Variants in RNF111 observed in about 807,000 individuals in gnomAD.
The protein encoded by RNF111 is ring finger protein 111.
A neutral mutation model predicts 95.1 loss-of-function variants in RNF111; 17 were observed. The observed-to-expected ratio is 0.18, with a 90% CI of 0.12 to 0.27. The LOEUF is 0.27. RNF111 is among the 10% of genes least tolerant of loss of function. The pLI, the probability that RNF111 is intolerant of heterozygous loss-of-function variation, is 1.00. For synonymous variants in RNF111, 440 were observed against 414.8 expected (o/e 1.06, Z -0.74); for missense variants, 1,189 against 1,210.4 (o/e 0.98, Z 0.26).
At chr15:59,093,494 A>C in intron 13 of RNF111, 1 of 414,498 alleles carries the variant, frequency 2.4e-6, no homozygotes, top group Non-Finnish European at 4.7e-6. Context: ...TACAGGCGTA[A>C]GCCACTGCAC....
intron 6 of RNF111, among the ~76,000 whole-genome samples, chr15:59,073,437 C>T (rs1462800510): frequency 6.6e-6 from 1 of 151,388 alleles, no homozygotes; most frequent in South Asian, 2.1e-4. Flanking sequence ...GCCAAGATTG[C>T]ACTACTGCAC....
rs139999361 is a variant in RNF111 at position 59,003,601 on chromosome 15, C to G, written c.-20+15533C>G. 7.4e-3 allele frequency among the ~76,000 whole-genome samples: 1,132 copies of G among 152,236 alleles called. 12 individuals carry two copies. The highest frequency in any genetic ancestry group is 0.026 in the African/African-American group (1,087 of 41,528). On this transcript the variant is annotated intron_variant, in intron 1 of 13. Coordinates refer to ENST00000348370, the MANE Select transcript of RNF111 (RefSeq NM_017610.8). ...ATTTTTTGTAGAGACAGGGTTTTGC[C>G]GTGTTGCCCAGGCTGGTCTTGAACT... is the stretch of plus-strand genomic sequence containing the variant.
intron 6 of RNF111, among the ~76,000 whole-genome samples, chr15:59,071,873 T>C (rs1271373857): frequency 1.3e-5 from 2 of 152,000 alleles, no homozygotes; most frequent in East Asian, 3.8e-4. Context: ...TACAATAAAG[T>C]GAATATTGCA....
In RNF111 at chr15:59,081,005, C is replaced by T. The variant is rs1415705793; in HGVS notation, c.2018C>T (p.Pro673Leu). The stretch of plus-strand genomic sequence containing the variant: ...CCGCATTCTCATGGAAACCCCCCTC[C>T]TCAGACTCAGCCTCCGCCTCAAGTG... The part of the protein sequence containing the change: ...ACPHSHGNPP[P>L]QTQPPPQVDY... The change falls in exon 8 of 14, where the codon CCT (proline) becomes CTT (leucine). Residue 673 changes from proline (P) to leucine (L), a missense_variant. By Grantham distance (98) the Pro-to-Leu change is moderately conservative. Around this residue, in one of 2 missense-constraint regions of RNF111, gnomAD observed 1,024 missense variants for 925.9 expected, o/e 1.11. Transcript: ENST00000348370. 1 of 1,614,160 alleles carries T rather than the reference C, an allele frequency of 6.2e-7. No homozygotes were observed.
At chr15:59,080,175 C>T (rs1241957675) in intron 7 of RNF111, among the ~76,000 whole-genome samples, 3 of 127,442 alleles carry the variant, frequency 2.4e-5, no homozygotes, top group African/African-American at 3.1e-5. Context: ...GGCTGGGGTG[C>T]AGTGGCATGA....
intron 12 of RNF111, among the ~76,000 whole-genome samples, chr15:59,091,565 A>G (rs757202645): frequency 1.7e-4 from 26 of 152,198 alleles, no homozygotes; most frequent in Non-Finnish European, 2.8e-4. Flanking sequence ...ATCATATGGC[A>G]GTACTGTAAT....
chr15:59,091,349 C>T (rs1050177822), intron 12 of RNF111, among the ~76,000 whole-genome samples, 195 bp downstream of exon 12: 1 of 152,012 alleles, frequency 6.6e-6, no homozygotes. Context: ...TCCTTCTTCC[C>T]AGAAGTGAAA....
At chr15:58,996,338 C>T (rs577972141) in intron 1 of RNF111, among the ~76,000 whole-genome samples, 3 of 151,956 alleles carry the variant, frequency 2.0e-5, no homozygotes, top group African/African-American at 7.2e-5. Context: ...TTCGGGAGGC[C>T]GAGGCATATG....
chr15:58,992,136 C>T (rs1486691067), intron 1 of RNF111, among the ~76,000 whole-genome samples: 2 of 152,118 alleles, frequency 1.3e-5, no homozygotes, highest in Non-Finnish European at 2.9e-5. Context: ...CCTCCACCTC[C>T]CGGGTTCAAG....
At chr15:59,042,822 A>C (rs1390386585) in intron 2 of RNF111, among the ~76,000 whole-genome samples, 1 of 152,202 alleles carries the variant, frequency 6.6e-6, no homozygotes, top group East Asian at 1.9e-4. Flanking sequence ...TTAATTATAA[A>C]ATCTTTAATG....
rs1314145407 is a variant in RNF111, at chr15:59,095,147, T to A, written c.*247T>A. 7.7e-6 allele frequency: 3 copies of A among 388,152 alleles called. No individual in the cohort carries two copies. The highest frequency in any genetic ancestry group is 6.6e-5 in the African/African-American group (3 of 45,780). The allele number at this position is 388,152 out of a possible 1,614,324, so 24.0% of individuals were successfully genotyped here. On this transcript the variant is annotated 3_prime_UTR_variant, in exon 14 of 14. Coordinates refer to ENST00000348370, the MANE Select transcript of RNF111 (RefSeq NM_017610.8). ...ATCATTTTACTGTATTTTTGCATGG[T>A]TCCTTGTATTGCATTTCTTTGCACA...
intron 1 of RNF111, among the ~76,000 whole-genome samples, chr15:59,019,002 C>T (rs1366015139): frequency 6.6e-6 from 1 of 152,026 alleles, no homozygotes; most frequent in Non-Finnish European, 1.5e-5. Flanking sequence ...CAGCTCACTG[C>T]AGCCTCTGCC....
At chr15:59,011,516 T>C (rs1336324370) in intron 1 of RNF111, among the ~76,000 whole-genome samples, 6 of 152,236 alleles carry the variant, frequency 3.9e-5, no homozygotes, top group Admixed American at 3.9e-4. Flanking sequence ...CACAAAACTT[T>C]ACTTACTCCT....
intron 1 of RNF111, among the ~76,000 whole-genome samples, chr15:59,005,192 A>G (rs1042551990): frequency 1.3e-5 from 2 of 152,084 alleles, no homozygotes; most frequent in African/African-American, 4.8e-5. Flanking sequence ...TCTTTAGTAC[A>G]TACTGTTTGT....
At chr15:59,019,804 C>T (rs143494874) in intron 1 of RNF111, among the ~76,000 whole-genome samples, 222 of 152,006 alleles carry the variant, frequency 1.5e-3, no homozygotes, top group African/African-American at 5.3e-3. Context: ...ACTGAAAATA[C>T]AAAAATTAGC....
chr15:59,063,294 C>A (rs183922789), intron 5 of RNF111, among the ~76,000 whole-genome samples: 217 of 152,318 alleles, frequency 1.4e-3, no homozygotes, highest in Middle Eastern at 6.8e-3. Context: ...CCAGGACTTT[C>A]ATTTTCACCT....
intron 1 of RNF111, among the ~76,000 whole-genome samples, chr15:59,000,162 C>CTTT (rs2039259449): frequency 7.6e-6 from 1 of 131,510 alleles, no homozygotes; most frequent in Non-Finnish European, 1.6e-5. Context: ...TTTTTTTTTC[C>CTTT]CTTTTTTTTT....
intron 1 of RNF111, among the ~76,000 whole-genome samples, chr15:59,025,684 T>G (rs2040565111): frequency 6.6e-6 from 1 of 152,082 alleles, no homozygotes; most frequent in Admixed American, 6.6e-5. Context: ...TTTCTGATAA[T>G]CTCTAAAACT....
Position 59,076,212 on chromosome 15 carries a change from C to A in RNF111, c.1945C>A (p.Pro649Thr). The A allele has an allele frequency of 6.2e-7, 1 of 1,613,020 alleles. No homozygotes were observed. The highest frequency in any genetic ancestry group is 2.2e-5 in the East Asian group (1 of 44,882). ...ATCATGTCGACATTACATGCCACCC[C>A]CTTGTAAGTATATACTTAGTGGACA... The part of the protein sequence containing the change: ...LSSCRHYMPP[P>T]YASLTRPLHH... Residue 649 changes from proline (P) to threonine (T), a missense_variant, in exon 7 of 14, where the codon CCT (proline) becomes ACT (threonine). Physicochemically the swap from Pro to Thr is conservative, Grantham distance 38 (BLOSUM62 -1). Coordinates refer to ENST00000348370, the MANE Select transcript of RNF111 (RefSeq NM_017610.8).
Sources: allele counts gnomAD v4.1 joint callset (sites outside exome capture counted in the v4.1 genomes callset), GRCh38; gene constraint gnomAD v4.1.1; regional missense constraint gnomAD v4.1.1; transcripts MANE v1.5; gene names NCBI Gene and HGNC (gene_info 2026-07-23, HGNC 2026-07-21).